The following GABPA variants were observed in gnomAD, a reference collection of about 807,000 sequenced individuals.
The protein encoded by GABPA is GA-binding protein alpha chain.
In GABPA, 4 loss-of-function variants were observed where a neutral mutation model predicts 59.4. The ratio of observed to expected loss-of-function variants is 0.07; its 90% CI spans 0.03 to 0.15. The LOEUF (loss-of-function observed/expected upper bound fraction) is 0.15. Ranked by LOEUF, GABPA falls within the 10% of genes least tolerant of loss-of-function variation. The probability of loss-of-function intolerance (pLI) is 1.00; values close to 1 mark genes in which losing one functional copy is unlikely to be tolerated. For missense variants in GABPA, 251 were observed against 543.8 expected, an observed-to-expected ratio of 0.46 and a Z score of 5.36; for synonymous variants, 164 against 183.1, an observed-to-expected ratio of 0.90 and a Z score of 0.84.
chr21:25,762,228 A>G (rs555053547), intron 6 of GABPA, 84 bp from the exon 7 acceptor site: 5 of 680,906 alleles, frequency 7.3e-6, no homozygotes, highest in Non-Finnish European at 1.3e-5. Context: ...TAAAAGAACC[A>G]TGTTTATTAA....
rs577109223 is a variant in GABPA at position 25,745,719 on chromosome 21, T to C, written c.222+365T>C. ...AGCTTTTAACTTCTCAAACGTATCA[T>C]TTAACTAAATGATTTCTACATTTCT... On this transcript the variant is annotated intron_variant, in intron 3 of 9. Coordinates refer to ENST00000400075, the MANE Select transcript of GABPA (RefSeq NM_002040.4). 4.0e-4 allele frequency among the ~76,000 whole-genome samples: 61 copies of C among 152,336 alleles called. 2 individuals carry two copies. In the South Asian group the frequency reaches 0.012, roughly 29 times the overall value.
At chr21:25,753,000 A>G (rs996090771) in intron 5 of GABPA, among the ~76,000 whole-genome samples, 1 of 152,166 alleles carries the variant, frequency 6.6e-6, no homozygotes, top group Admixed American at 6.5e-5. Context: ...GAGGGAAGAT[A>G]CAAGTATTGA....
chr21:25,737,387 A>G (rs1407415409), intron 1 of GABPA, among the ~76,000 whole-genome samples: 2 of 152,260 alleles, frequency 1.3e-5, no homozygotes, highest in African/African-American at 4.8e-5. Flanking sequence ...GCTTCTCTGG[A>G]CTAAGCATAG....
chr21:25,768,276 G>C (rs1206405556), intron 9 of GABPA, among the ~76,000 whole-genome samples: 1 of 151,858 alleles, frequency 6.6e-6, no homozygotes, highest in East Asian at 1.9e-4. Context: ...TGTATCCTCT[G>C]TTTCTTTTAG....
intron 2 of GABPA, 99 bp from the exon 3 acceptor site, chr21:25,745,111 G>A: frequency 7.5e-7 from 1 of 1,328,222 alleles, no homozygotes; most frequent in Non-Finnish European, 1.1e-6. Flanking sequence ...TCAAAGACCA[G>A]AAATGTGTTT....
Position 25,764,224 on chromosome 21 carries a change from C to T in GABPA, c.817C>T (p.Pro273Ser). Residue 273 changes from proline (P) to serine (S), a missense_variant, in exon 8 of 10, where the codon CCA (proline) becomes TCA (serine). Transcript: ENST00000400075. ...VTIDQPVQII[P>S]ASVQSATPTT... is the part of the protein sequence containing the mutation. ...TGTCTTTGCAGCTGTGCAAATTATTCCAGCATCAGTGCAATCTGCTACACC... is the reference window on the plus strand; with the variant it reads ...TGTCTTTGCAGCTGTGCAAATTATTTCAGCATCAGTGCAATCTGCTACACC... 1 of 1,595,704 alleles carries T rather than the reference C, an allele frequency of 6.3e-7. No homozygotes were observed. The highest frequency in any genetic ancestry group is 8.5e-7 in the Non-Finnish European group (1 of 1,173,822).
intron 6 of GABPA, among the ~76,000 whole-genome samples, chr21:25,760,441 G>A (rs2035737639): frequency 6.6e-6 from 1 of 152,148 alleles, no homozygotes; most frequent in Non-Finnish European, 1.5e-5. Context: ...AGAAGCAGCA[G>A]TACTGAAGAG....
intron 2 of GABPA, among the ~76,000 whole-genome samples, chr21:25,744,382 T>G (rs1013412519): frequency 3.9e-5 from 6 of 152,176 alleles, no homozygotes; most frequent in Non-Finnish European, 8.8e-5. Flanking sequence ...ATACATTCAT[T>G]GAATATCATG....
chr21:25,749,354 A>G (rs965024497), intron 4 of GABPA, among the ~76,000 whole-genome samples: 3 of 152,212 alleles, frequency 2.0e-5, no homozygotes, highest in South Asian at 2.1e-4. Context: ...TAGCAGAATC[A>G]GAGAGAGTAC....
chr21:25,754,893 A>C (rs1347088697), intron 5 of GABPA, among the ~76,000 whole-genome samples: 1 of 150,778 alleles, frequency 6.6e-6, no homozygotes, highest in Non-Finnish European at 1.5e-5. Flanking sequence ...TCTACTAAAA[A>C]CACAAAAATT....
At chr21:25,739,365 A>G (rs1369714105) in intron 1 of GABPA, among the ~76,000 whole-genome samples, 10 of 152,344 alleles carry the variant, frequency 6.6e-5, no homozygotes, top group Non-Finnish European at 7.3e-5. Context: ...CCTGTTTATT[A>G]TCTTACAGTT....
intron 5 of GABPA, among the ~76,000 whole-genome samples, chr21:25,756,440 C>T (rs1435045309): frequency 6.6e-6 from 1 of 152,156 alleles, no homozygotes; most frequent in East Asian, 1.9e-4. Flanking sequence ...TTACTGTGGG[C>T]CATTCTCCTG....
intron 5 of GABPA, among the ~76,000 whole-genome samples, chr21:25,757,001 A>G (rs1469876112): frequency 6.6e-6 from 1 of 152,188 alleles, no homozygotes; most frequent in Non-Finnish European, 1.5e-5. Flanking sequence ...CTCAAATGGA[A>G]TAGTTTCAGT....
chr21:25,741,719 T>C, intron 2 of GABPA, 44 bp downstream of exon 2: 3 of 1,258,850 alleles, frequency 2.4e-6, no homozygotes, highest in Non-Finnish European at 2.3e-6. Context: ...AATATCAATA[T>C]ACCTAATTAA....
At chr21:25,755,932 A>T (rs897046353) in intron 5 of GABPA, among the ~76,000 whole-genome samples, 1 of 152,204 alleles carries the variant, frequency 6.6e-6, no homozygotes, top group Non-Finnish European at 1.5e-5. Flanking sequence ...CAAACATTTT[A>T]GGTCATAGTT....
chr21:25,754,089 G>C (rs1211257377), intron 5 of GABPA, among the ~76,000 whole-genome samples: 2 of 152,016 alleles, frequency 1.3e-5, no homozygotes, highest in Non-Finnish European at 2.9e-5. Flanking sequence ...AGTGTCTCTG[G>C]TCAAAATTAA....
chr21:25,768,951 G>A, intron 9 of GABPA, 53 bp from the exon 10 acceptor site: 3 of 1,102,090 alleles, frequency 2.7e-6, no homozygotes, highest in East Asian at 5.0e-5. Flanking sequence ...GTAAATTATT[G>A]TAAGAAGTCT....
intron 6 of GABPA, among the ~76,000 whole-genome samples, chr21:25,761,569 G>T (rs1291238861): frequency 6.6e-6 from 1 of 152,154 alleles, no homozygotes; most frequent in Non-Finnish European, 1.5e-5. Flanking sequence ...GATTGCTGGA[G>T]GGTATAGTTT....
intron 6 of GABPA, 40 bp downstream of exon 6, chr21:25,758,244 C>T (rs2035684303): frequency 7.2e-7 from 1 of 1,385,444 alleles, no homozygotes; most frequent in Middle Eastern, 2.2e-4. Context: ...GTAATTTAAG[C>T]TTAATTTTAT....
Sources: gnomAD v4.1 joint callset for allele counts (sites outside exome capture counted in the v4.1 genomes callset) on GRCh38, gnomAD v4.1.1 for gene constraint, MANE v1.5 for transcripts, NCBI Gene and HGNC (gene_info 2026-07-23, HGNC 2026-07-21) for gene names.